The following SANBR variants were observed in gnomAD, a reference collection of about 807,000 sequenced individuals.
SANBR encodes SANT and BTB domain regulator of CSR, also known as SANT and BTB domain regulator of class switch recombination.
SANBR carries 77 observed loss-of-function variants against 101.8 expected under a neutral mutation model. The ratio of observed to expected loss-of-function variants is 0.76; its 90% CI spans 0.63 to 0.91. SANBR has a LOEUF of 0.91. SANBR is among the 40% of genes least tolerant of loss of function. The pLI is 0.00. For synonymous variants in SANBR, 279 were observed against 274.7 expected (o/e 1.02, Z -0.15); for missense variants, 875 against 853.0 (o/e 1.03, Z -0.32).
In SANBR at chr2:61,073,449, G is replaced by A; in HGVS notation, c.338-9G>A. On this transcript the variant is annotated splice_polypyrimidine_tract_variant and intron_variant, in intron 4 of 21. Transcript: ENST00000402291. ...TTTTTTTTTGTATGTGTTTGTTTCT[G>A]TATTTAAGGAAGACATAGTATAGCT... 7.2e-7 allele frequency: 1 copy of A among 1,396,122 alleles called. No homozygotes were observed. The allele number at this position is 1,396,122 out of a possible 1,614,324, so 86.5% of individuals were successfully genotyped here. A position where few individuals can be genotyped will look rare whatever the true frequency, so the allele number is the denominator to read the frequency against.
intron 8 of SANBR, among the ~76,000 whole-genome samples, chr2:61,083,877 A>T (rs1233796536): frequency 6.6e-6 from 1 of 152,076 alleles, no homozygotes; most frequent in South Asian, 2.1e-4. Flanking sequence ...TCAAAAAAAA[A>T]AAAAACTTTT....
downstream of SANBR, among the ~76,000 whole-genome samples, chr2:61,125,371 G>T (rs898721488): frequency 6.6e-6 from 1 of 152,202 alleles, no homozygotes; most frequent in African/African-American, 2.4e-5. Flanking sequence ...GTGCAAGAAA[G>T]GAGGCACCTA....
At chr2:61,109,542 T>C (rs1683721301) in intron 16 of SANBR, among the ~76,000 whole-genome samples, 1 of 152,098 alleles carries the variant, frequency 6.6e-6, no homozygotes, top group African/African-American at 2.4e-5. Flanking sequence ...TGCAACTAAA[T>C]GTGTGACTCA....
intron 8 of SANBR, 110 bp from the exon 9 acceptor site, chr2:61,088,049 C>A: frequency 1.8e-6 from 1 of 566,756 alleles, no homozygotes; most frequent in Non-Finnish European, 3.1e-6. Context: ...CCCAAGAGAG[C>A]CACTAAGGAT....
At position 61,115,652 on chromosome 2, in the gene SANBR, C is replaced by T. The variant is rs142127439; in HGVS notation, c.1745-327C>T. The T allele has an allele frequency of 1.4e-3, 235 of 165,270 alleles. 4 individuals are homozygous for T. The East Asian group carries it at 0.033, about 23-fold the overall frequency. The allele number at this position is 165,270 out of a possible 1,614,324, so 10.2% of individuals were successfully genotyped here. A position where few individuals can be genotyped will look rare whatever the true frequency, so the allele number is the denominator to read the frequency against. ...TCTTTCTTACAGCTACTTGGGAGGCCGAGGCACGAGAATCGCTTAAACCGT... is the reference window on the plus strand; with the variant it reads ...TCTTTCTTACAGCTACTTGGGAGGCTGAGGCACGAGAATCGCTTAAACCGT... On this transcript the variant is annotated intron_variant, in intron 16 of 21. Transcript: ENST00000402291.
chr2:61,079,801 TGAG>T (rs1681996683), intron 6 of SANBR, among the ~76,000 whole-genome samples: 1 of 151,710 alleles, frequency 6.6e-6, no homozygotes, highest in African/African-American at 2.4e-5. Context: ...CTCAGGAGGC[TGAG>T]GAGGAGAATC....
At chr2:61,079,652 A>T (rs1399175807) in intron 6 of SANBR, among the ~76,000 whole-genome samples, 1 of 152,196 alleles carries the variant, frequency 6.6e-6, no homozygotes, top group Non-Finnish European at 1.5e-5. Context: ...GAGAGAAAAA[A>T]AATTATTCGA....
chr2:61,093,014 T>C (rs1682849583), intron 11 of SANBR, among the ~76,000 whole-genome samples: 1 of 152,028 alleles, frequency 6.6e-6, no homozygotes, highest in South Asian at 2.1e-4. Context: ...ATGCCTGTAA[T>C]CCCAGCTATT....
At chr2:61,117,662 T>G in intron 19 of SANBR, 122 bp downstream of exon 19, 1 of 833,198 alleles carries the variant, frequency 1.2e-6, no homozygotes, top group African/African-American at 1.7e-5. Context: ...GGCCCCAAAT[T>G]TGCATATTCC....
chr2:61,110,344 G>C (rs1462699648), intron 16 of SANBR, among the ~76,000 whole-genome samples: 2 of 152,096 alleles, frequency 1.3e-5, no homozygotes, highest in Non-Finnish European at 2.9e-5. Context: ...AGGAGTTCGA[G>C]AGCAGCCTGG....
rs70959893 is a variant in SANBR at position 61,072,821 on chromosome 2, CTTTTTTTTTTTT to C, written c.338-619_338-608del. ...AGACTCTTGCTTGTCTCTCATGTTA[CTTTTTTTTTTTT>C]TTTTTTTTTTTTTTTTTATACAGGT... is the stretch of plus-strand genomic sequence containing the variant. On this transcript the variant is annotated intron_variant, in intron 4 of 21. Transcript: ENST00000402291. 2.2e-3 allele frequency among the ~76,000 whole-genome samples: 69 copies of C among 31,666 alleles called. 1 individual carries two copies. Among genetic ancestry groups the C allele is most frequent in the African/African-American group, 8.7e-3 (65 of 7,460 alleles). 20.8% of individuals were successfully genotyped at this position (31,666 alleles called of 152,430 possible). A position where few individuals can be genotyped will look rare whatever the true frequency, so the allele number is the denominator to read the frequency against.
intron 12 of SANBR, among the ~76,000 whole-genome samples, chr2:61,099,924 A>G (rs748888259): frequency 6.6e-6 from 1 of 152,202 alleles, no homozygotes; most frequent in Non-Finnish European, 1.5e-5. Context: ...CAGGGAATTC[A>G]TAGGTGTGAA....
intron 8 of SANBR, among the ~76,000 whole-genome samples, chr2:61,083,542 A>G (rs1304423666): frequency 6.7e-6 from 1 of 149,754 alleles, no homozygotes; most frequent in Non-Finnish European, 1.5e-5. Flanking sequence ...GACTACAGGA[A>G]TGCACCACCA....
chr2:61,126,160 C>G (rs905318216), downstream of SANBR, among the ~76,000 whole-genome samples: 1 of 152,220 alleles, frequency 6.6e-6, no homozygotes, highest in Non-Finnish European at 1.5e-5. Context: ...CTTATTCAAA[C>G]CCATTCTTTT....
At chr2:61,091,899 A>G (rs1047123180) in intron 10 of SANBR, among the ~76,000 whole-genome samples, 3 of 152,196 alleles carry the variant, frequency 2.0e-5, no homozygotes, top group Admixed American at 2.0e-4. Context: ...ACCTGATTGT[A>G]TATTCTGTAT....
At chr2:61,108,980 G>C (rs958639353) in intron 15 of SANBR, among the ~76,000 whole-genome samples, 4 of 152,094 alleles carry the variant, frequency 2.6e-5, no homozygotes, top group Non-Finnish European at 4.4e-5. Context: ...TACTGTTCTA[G>C]GTTCTGTGAA....
intron 21 of SANBR, among the ~76,000 whole-genome samples, chr2:61,136,949 G>A (rs978206122): frequency 4.6e-5 from 7 of 151,608 alleles, no homozygotes; most frequent in African/African-American, 9.7e-5. Flanking sequence ...CAGCCTGTGC[G>A]ACAGAATGAG....
Position 61,077,219 on chromosome 2 carries a change from C to T in SANBR, c.670+61C>T, listed in dbSNP as rs573894009. 18 of 1,210,224 alleles carry T rather than the reference C, an allele frequency of 1.5e-5. No homozygotes were observed. The African/African-American group carries it at 2.0e-4, about 13-fold the overall frequency. The allele number at this position is 1,210,224 out of a possible 1,614,324, so 75.0% of individuals were successfully genotyped here. On this transcript the variant is annotated intron_variant, in intron 6 of 21. Transcript: ENST00000402291. ...TTTGTGTGTCACCTGGTAGTTTCTT[C>T]AGGCCAAAAGTGAAATGTGGAAAAT...
intron 19 of SANBR, 82 bp downstream of exon 19, chr2:61,117,622 G>GTATAA: frequency 2.4e-6 from 3 of 1,241,148 alleles, no homozygotes; most frequent in Non-Finnish European, 3.5e-6. Flanking sequence ...ACAGTATGCT[G>GTATAA]AATAGCTCTA....
Sources: allele counts gnomAD v4.1 joint callset (sites outside exome capture counted in the v4.1 genomes callset), GRCh38; gene constraint gnomAD v4.1.1; transcripts MANE v1.5; gene names NCBI Gene and HGNC (gene_info 2026-07-23, HGNC 2026-07-21).